The following BRME1 variants were observed in gnomAD, a reference collection of about 807,000 sequenced individuals.
BRME1 encodes the protein BRCA2 and MEILB2-associating protein 1.
In BRME1, 31 loss-of-function variants were observed where a neutral mutation model predicts 52.6. The observed-to-expected ratio is 0.59, with a 90% CI of 0.44 to 0.80. The LOEUF (loss-of-function observed/expected upper bound fraction) is 0.80. Ranked by LOEUF, BRME1 falls within the 30% of genes least tolerant of loss-of-function variation. The probability of loss-of-function intolerance (pLI) is 0.00; values close to 1 mark genes in which losing one functional copy is unlikely to be tolerated. For synonymous variants in BRME1, 359 were observed against 353.6 expected (o/e 1.02, Z -0.17); for missense variants, 804 against 860.3 (o/e 0.93, Z 0.82).
intron 6 of BRME1, among the ~76,000 whole-genome samples, chr19:13,886,383 G>A (rs1973644375): frequency 6.6e-6 from 1 of 152,250 alleles, no homozygotes; most frequent in Admixed American, 6.5e-5. Context: ...CTCTGGCCCT[G>A]ACACCACTGC....
chr19:13,903,297 T>C (rs1426412926), intron 2 of BRME1, among the ~76,000 whole-genome samples: 1 of 152,050 alleles, frequency 6.6e-6, no homozygotes, highest in Non-Finnish European at 1.5e-5. Flanking sequence ...GGGGGCATCC[T>C]ATGCATGGTA....
intron 5 of BRME1, among the ~76,000 whole-genome samples, chr19:13,892,361 AG>A (rs1969563552): frequency 6.6e-6 from 1 of 152,086 alleles, no homozygotes. Context: ...TGAGGCGGGC[AG>A]ATCACCTGAG....
chr19:13,899,451 A>C (rs1970150234), intron 2 of BRME1, among the ~76,000 whole-genome samples: 1 of 151,974 alleles, frequency 6.6e-6, no homozygotes, highest in Non-Finnish European at 1.5e-5. Flanking sequence ...GCGCACGGTA[A>C]GTTGCTTGTA....
rs1340731427 is a variant in BRME1 at position 13,888,618 on chromosome 19, C to T, written c.1668+570G>A. ...GGCCACATCCGGGCAGCCGGTGGGGCGGGCAGATCCCTGAAGGAGGCAAAG... is the reference window on the plus strand; with the variant it reads ...GGCCACATCCGGGCAGCCGGTGGGGTGGGCAGATCCCTGAAGGAGGCAAAG... On this transcript the variant is annotated intron_variant, in intron 6 of 8. Transcript: ENST00000586783. This position sits in a 1 kb window ranked among gnomAD's most constrained non-coding sequence, Gnocchi z 4.1. 2.0e-5 allele frequency among the ~76,000 whole-genome samples: 3 copies of T among 152,212 alleles called. No homozygotes were observed. Among genetic ancestry groups the T allele is most frequent in the Non-Finnish European group, 4.4e-5 (3 of 68,030 alleles).
At chr19:13,904,646 T>C (rs1026016626) in intron 2 of BRME1, among the ~76,000 whole-genome samples, 6 of 151,274 alleles carry the variant, frequency 4.0e-5, no homozygotes, top group African/African-American at 1.5e-4. Context: ...TTCACCATGT[T>C]GGTCAGGCTG....
At chr19:13,902,481 A>T (rs1383200244) in intron 2 of BRME1, among the ~76,000 whole-genome samples, 1 of 151,028 alleles carries the variant, frequency 6.6e-6, no homozygotes, top group Non-Finnish European at 1.5e-5. Context: ...TAAAAATACA[A>T]AAAAATTAGC....
rs776720617 is a variant in BRME1, at chr19:13,895,564, G to C, written c.32-18C>G. The C allele has an allele frequency of 6.2e-7, 1 of 1,603,586 alleles. No homozygotes were observed. The highest frequency in any genetic ancestry group is 8.5e-7 in the Non-Finnish European group (1 of 1,173,666). On this transcript the variant is annotated intron_variant, in intron 2 of 8. Transcript: ENST00000586783. ...TCCCTCTCCTGTTTTAGAGACAGAG[G>C]AAGATGAAGGGGTGGGGGATACAGC...
intron 2 of BRME1, among the ~76,000 whole-genome samples, chr19:13,897,986 C>T (rs1170259557): frequency 1.3e-5 from 2 of 151,784 alleles, no homozygotes; most frequent in Admixed American, 6.6e-5. Context: ...GTAATCCCAG[C>T]TACTTGGGAG....
intron 3 of BRME1, among the ~76,000 whole-genome samples, chr19:13,894,421 A>T (rs1969735478): frequency 1.3e-5 from 2 of 152,096 alleles, no homozygotes; most frequent in Non-Finnish European, 2.9e-5. Flanking sequence ...GCTACTCAGG[A>T]GGCTGAGGCA....
intron 6 of BRME1, among the ~76,000 whole-genome samples, chr19:13,887,211 G>A (rs1025533780): frequency 1.3e-5 from 2 of 152,134 alleles, no homozygotes; most frequent in African/African-American, 2.4e-5. Flanking sequence ...GCTGTTCCCC[G>A]TGCCCCTGCC....
At chr19:13,901,817 C>A (rs1263149918) in intron 2 of BRME1, among the ~76,000 whole-genome samples, 3 of 151,886 alleles carry the variant, frequency 2.0e-5, no homozygotes, top group Non-Finnish European at 4.4e-5. Context: ...GGCAGGTGGA[C>A]TGCTGGAGCC....
At chr19:13,896,227 G>A (rs769823464) in intron 2 of BRME1, among the ~76,000 whole-genome samples, 2 of 151,346 alleles carry the variant, frequency 1.3e-5, no homozygotes, top group Non-Finnish European at 2.9e-5. Flanking sequence ...CTGAGATTGC[G>A]CTACTGCACT....
chr19:13,902,635 AAAC>A (rs1339346268), intron 2 of BRME1, among the ~76,000 whole-genome samples: 1 of 143,084 alleles, frequency 7.0e-6, no homozygotes, highest in African/African-American at 2.6e-5. Flanking sequence ...TCAAAAACAA[AAAC>A]AAAAAAGTCT....
rs761440547 is a variant in BRME1, at chr19:13,889,716, G to A, written c.1140C>T (p.His380=). ...SPRRKAADGG[H]RRALPGCTSL... ...AGGTGCAGCCTGGCAAGGCCCTCCT[G>A]TGGCCTCCATCAGCGGCCTTCCTCC... Residue 380 remains histidine, a synonymous_variant, in exon 6 of 9, where the codon CAC becomes CAT. Transcript: ENST00000586783. 9 of 1,608,890 alleles carry A rather than the reference G, an allele frequency of 5.6e-6. No individual in the cohort carries two copies. The highest frequency in any genetic ancestry group is 7.6e-6 in the Non-Finnish European group (9 of 1,178,332).
In BRME1 at chr19:13,883,599, CT is replaced by C; in HGVS notation, c.1764-200del. On this transcript the variant is annotated intron_variant, in intron 7 of 8. Transcript: ENST00000586783. The surrounding 1 kb of genome is among the most constrained non-coding windows in gnomAD (Gnocchi z 4.2). ...GGCCCAGAACCCAACCGCTTCTCCC[CT>C]ACCTGCCCTGCCCTCTCAGGACGCT... 1 of 548,234 alleles carries C rather than the reference CT, an allele frequency of 1.8e-6. No homozygotes were observed. The allele number at this position is 548,234 out of a possible 1,614,324, so 34.0% of individuals were successfully genotyped here.
rs781023704 is a variant in BRME1, at chr19:13,889,478, CG to C, written c.1377del (p.Glu460SerfsTer2). On this transcript the variant is annotated frameshift_variant, in exon 6 of 9. Transcript: ENST00000586783. LOFTEE classifies it high-confidence loss of function. ...KQEPGPAQEE[A>X]ELGGQNLERD... ...CGTTCGAGGTTCTGGCCACCTAACT[CG>C]GCTTCCTCTTGAGCAGGACCTGGCT... 1.9e-6 allele frequency: 3 copies of C among 1,613,794 alleles called. No individual in the cohort carries two copies. The African/African-American group carries it at 4.0e-5, about 22-fold the overall frequency.
chr19:13,894,524 CAAATAAAT>C (rs139351176), intron 3 of BRME1, among the ~76,000 whole-genome samples: 3 of 151,344 alleles, frequency 2.0e-5, no homozygotes, highest in Admixed American at 2.0e-4. Context: ...GACCCTGTCT[CAAATAAAT>C]AAATAAATAA....
Position 13,882,382 on chromosome 19 carries a change from C to A in BRME1, c.*420G>T. On this transcript the variant is annotated 3_prime_UTR_variant, in exon 9 of 9. Coordinates refer to ENST00000586783, the MANE Select transcript of BRME1 (RefSeq NM_001345843.2). ...CTCTACAGAATCATTTATTATGGGT[C>A]TTCCCAGAAGAAATAAAATGGAAAT... 1 of 404,988 alleles carries A rather than the reference C, an allele frequency of 2.5e-6. No homozygotes were observed. Among genetic ancestry groups the A allele is most frequent in the East Asian group, 3.6e-5 (1 of 28,116 alleles). The allele number at this position is 404,988 out of a possible 1,614,324, so 25.1% of individuals were successfully genotyped here. A position where few individuals can be genotyped will look rare whatever the true frequency, so the allele number is the denominator to read the frequency against.
At position 13,889,767 on chromosome 19, in the gene BRME1, G is replaced by C. The variant is rs758482140; in HGVS notation, c.1089C>G (p.Ala363=). 9.8e-5 allele frequency: 158 copies of C among 1,611,294 alleles called. No homozygotes were observed. The highest frequency in any genetic ancestry group is 2.0e-4 in the Admixed American group (12 of 59,952). The change falls in exon 6 of 9, where the codon GCC becomes GCG. Residue 363 remains alanine (A), a synonymous_variant. Coordinates refer to ENST00000586783, the MANE Select transcript of BRME1 (RefSeq NM_001345843.2). ...TGGGAGAGGCAGGTGATATGGCACT[G>C]GCCTGCCCATCGGGCCCAGCCACCT... ...ALEVAGPDGQ[A]SAISPASPRR...
Sources: allele counts gnomAD v4.1 joint callset (sites outside exome capture counted in the v4.1 genomes callset), GRCh38; gene constraint gnomAD v4.1.1; non-coding constraint Gnocchi (gnomAD v3.1); transcripts MANE v1.5; gene names NCBI Gene and HGNC (gene_info 2026-07-23, HGNC 2026-07-21).